NME7: variants seen among roughly 807,000 people sequenced by gnomAD.
The protein encoded by NME7 is nucleoside diphosphate kinase 7.
In NME7, 41 loss-of-function variants were observed where a neutral mutation model predicts 49.1. The ratio of observed to expected loss-of-function variants is 0.83; its 90% confidence interval spans 0.65 to 1.08. The LOEUF is 1.08. NME7 is among the 50% of genes least tolerant of loss of function. The pLI, the probability that NME7 is intolerant of heterozygous loss-of-function variation, is 0.00. For synonymous variants in NME7, 139 were observed against 150.6 expected (o/e 0.92, Z 0.56); for missense variants, 423 against 463.4 (o/e 0.91, Z 0.80).
chr1:169,205,011 T>C (rs1186000450), intron 10 of NME7, among the ~76,000 whole-genome samples: 1 of 152,088 alleles, frequency 6.6e-6, no homozygotes, highest in Non-Finnish European at 1.5e-5. Context: ...AACTATAAGA[T>C]TATTCTATAA....
chr1:169,282,508 T>C (rs1285909440), intron 7 of NME7, among the ~76,000 whole-genome samples: 1 of 152,182 alleles, frequency 6.6e-6, no homozygotes, highest in Non-Finnish European at 1.5e-5. Flanking sequence ...ATTTGTTTGC[T>C]GTTGCTTCTC....
chr1:169,274,306 T>G lies in NME7; in HGVS notation c.754+12997A>C, dbSNP rs1233415434. 5.4e-4 allele frequency among the ~76,000 whole-genome samples: 71 copies of G among 132,564 alleles called. 8 individuals are homozygous for G. The highest frequency in any genetic ancestry group is 1.8e-3 in the African/African-American group (70 of 38,352). The allele number at this position is 132,564 out of a possible 152,430, so 87.0% of individuals were successfully genotyped here. ...TTCATATTCTTTGTCCACTTTTTGA[T>G]GGGGTTGTTTGTTTTTTTCTTGTAA... is the stretch of plus-strand genomic sequence containing the variant. On this transcript the variant is annotated intron_variant, in intron 7 of 11. Coordinates refer to ENST00000367811, the MANE Select transcript of NME7 (RefSeq NM_013330.5).
intron 4 of NME7, among the ~76,000 whole-genome samples, chr1:169,306,715 T>C (rs1651186809): frequency 6.6e-6 from 1 of 152,102 alleles, no homozygotes; most frequent in African/African-American, 2.4e-5. Context: ...AGTAAAGTTG[T>C]AAAGAAAATA....
At chr1:169,233,433 C>A (rs753995075) in intron 9 of NME7, among the ~76,000 whole-genome samples, 6 of 152,054 alleles carry the variant, frequency 3.9e-5, no homozygotes, top group Non-Finnish European at 8.8e-5. Flanking sequence ...AGGCTAGGAG[C>A]TGAGTGAGAC....
At position 169,257,149 on chromosome 1, in the gene NME7, G is replaced by A. The variant is rs1275242643; in HGVS notation, c.755-19462C>T. ...TAATCAAGCCTGAGCAATGGCGGGC[G>A]CCCCTCCCCCAGCCTCGCTGCCACC... is the stretch of plus-strand genomic sequence containing the variant. On this transcript the variant is annotated intron_variant, in intron 7 of 11. Transcript: ENST00000367811. Among the ~76,000 whole-genome samples, 5 of 134,982 alleles carry A rather than the reference G, an allele frequency of 3.7e-5. 1 individual carries two copies. Among genetic ancestry groups the A allele is most frequent in the East Asian group, 2.0e-4 (1 of 5,004 alleles). The allele number at this position is 134,982 out of a possible 152,430, so 88.6% of individuals were successfully genotyped here. A position where few individuals can be genotyped will look rare whatever the true frequency, so the allele number is the denominator to read the frequency against.
At chr1:169,223,508 T>C (rs1197833130) in intron 10 of NME7, among the ~76,000 whole-genome samples, 3 of 152,224 alleles carry the variant, frequency 2.0e-5, no homozygotes, top group Non-Finnish European at 4.4e-5. Flanking sequence ...GTTGCTATCA[T>C]GATTTACTTA....
chr1:169,183,204 T>C (rs956215734), intron 10 of NME7, among the ~76,000 whole-genome samples: 11 of 152,232 alleles, frequency 7.2e-5, no homozygotes, highest in Non-Finnish European at 1.3e-4. Flanking sequence ...TGCTCATAAA[T>C]GACTTTTCCA....
At position 169,234,459 on chromosome 1, in the gene NME7, A is replaced by G. The variant is rs558030081; in HGVS notation, c.888+672T>C. 1.3e-4 allele frequency among the ~76,000 whole-genome samples: 20 copies of G among 152,270 alleles called. 1 individual carries two copies. The highest frequency in any genetic ancestry group is 9.8e-4 in the Admixed American group (15 of 15,294). On this transcript the variant is annotated intron_variant, in intron 9 of 11. Coordinates refer to ENST00000367811, the MANE Select transcript of NME7 (RefSeq NM_013330.5). ...TACAGGTGTAAATAATCAACACGGA[A>G]TCTACTACCAAAGAATTATATCAGA... is the stretch of plus-strand genomic sequence containing the variant.
At chr1:169,229,960 TA>T (rs1021022044) in intron 10 of NME7, among the ~76,000 whole-genome samples, 324 of 138,930 alleles carry the variant, frequency 2.3e-3, no homozygotes, top group Non-Finnish European at 2.1e-3. Flanking sequence ...AGACTCCATC[TA>T]AAAAAAAAAA....
At chr1:169,162,405 A>C (rs2101835286) in intron 11 of NME7, among the ~76,000 whole-genome samples, 1 of 152,264 alleles carries the variant, frequency 6.6e-6, no homozygotes, top group East Asian at 1.9e-4. Context: ...TAGAAAAAAA[A>C]AAACAGGAAA....
chr1:169,197,178 A>T (rs563573758), intron 10 of NME7, among the ~76,000 whole-genome samples: 1 of 152,268 alleles, frequency 6.6e-6, no homozygotes, highest in African/African-American at 2.4e-5. Context: ...GAAATGTTCT[A>T]TATTTAACTG....
Position 169,264,357 on chromosome 1 carries a change from C to G in NME7, c.754+22946G>C, listed in dbSNP as rs560505450. Among the ~76,000 whole-genome samples, 139 of 134,242 alleles carry G rather than the reference C, an allele frequency of 1.0e-3. 9 individuals carry two copies. Among genetic ancestry groups the G allele is most frequent in the African/African-American group, 3.4e-3 (136 of 39,694 alleles). 88.1% of individuals were successfully genotyped at this position (134,242 alleles called of 152,430 possible). A position where few individuals can be genotyped will look rare whatever the true frequency, so the allele number is the denominator to read the frequency against. On this transcript the variant is annotated intron_variant, in intron 7 of 11. Coordinates refer to ENST00000367811, the MANE Select transcript of NME7 (RefSeq NM_013330.5). ...TATGCTGTCTTCAGGTAACCCATCT[C>G]ACATGCAATGGCACCCACAGGCTCA...
intron 10 of NME7, among the ~76,000 whole-genome samples, chr1:169,230,383 CT>C (rs1557998238): frequency 1.3e-5 from 2 of 151,986 alleles, no homozygotes; most frequent in Non-Finnish European, 2.9e-5. Flanking sequence ...TATGGCCCCC[CT>C]ATGTCAAAGG....
chr1:169,280,148 C>T (rs1322351261), intron 7 of NME7, among the ~76,000 whole-genome samples: 1 of 152,156 alleles, frequency 6.6e-6, no homozygotes, highest in Admixed American at 6.6e-5. Flanking sequence ...TTTTAATAAT[C>T]ACCAATCTAA....
At chr1:169,337,437 C>T (rs1237953253) in intron 1 of NME7, among the ~76,000 whole-genome samples, 2 of 152,206 alleles carry the variant, frequency 1.3e-5, no homozygotes, top group African/African-American at 4.8e-5. Flanking sequence ...CGCACACAGC[C>T]CTGGTTCCCG....
At chr1:169,203,671 G>T (rs1049029737) in intron 10 of NME7, among the ~76,000 whole-genome samples, 3 of 152,104 alleles carry the variant, frequency 2.0e-5, no homozygotes, top group African/African-American at 7.2e-5. Context: ...CTGGTGGGTT[G>T]CCCTGTCAAA....
intron 1 of NME7, among the ~76,000 whole-genome samples, chr1:169,359,280 TA>T (rs1247722967): frequency 1.3e-5 from 2 of 152,070 alleles, no homozygotes; most frequent in African/African-American, 4.8e-5. Context: ...ATTGTATTGT[TA>T]TTTTTTTTTT....
At chr1:169,236,721 C>CTTTTTTTTTT (rs111598142) in intron 8 of NME7, among the ~76,000 whole-genome samples, 4 of 145,324 alleles carry the variant, frequency 2.8e-5, no homozygotes, top group Non-Finnish European at 4.5e-5. Flanking sequence ...AACTATTTCC[C>CTTTTTTTTTT]TTTTTTTTTT....
chr1:169,189,466 T>C (rs1660157313), intron 10 of NME7, among the ~76,000 whole-genome samples: 2 of 152,182 alleles, frequency 1.3e-5, no homozygotes, highest in Non-Finnish European at 2.9e-5. Flanking sequence ...GCTCATGTAA[T>C]TCATTTATTT....
Sources: gnomAD v4.1 joint callset for allele counts (sites outside exome capture counted in the v4.1 genomes callset) on GRCh38, gnomAD v4.1.1 for gene constraint, MANE v1.5 for transcripts, NCBI Gene and HGNC (gene_info 2026-07-23, HGNC 2026-07-21) for gene names.